The following SLC39A11 variants were observed in gnomAD, a reference collection of about 807,000 sequenced individuals.
SLC39A11 encodes the protein solute carrier family 39 member 11.
SLC39A11 carries 33 observed loss-of-function variants against 36.1 expected under a neutral mutation model. The observed-to-expected ratio is 0.91, with a 90% CI of 0.69 to 1.22. SLC39A11 has a LOEUF of 1.22. SLC39A11 is among the 50% of genes most tolerant of loss of function. The probability of loss-of-function intolerance (pLI) is 0.00; values close to 1 mark genes in which losing one functional copy is unlikely to be tolerated. For missense variants in SLC39A11, 432 were observed against 430.3 expected (o/e 1.00, Z -0.03); for synonymous variants, 166 against 170.3 (o/e 0.97, Z 0.20).
At chr17:72,689,352 T>C (rs1341850633) in intron 7 of SLC39A11, among the ~76,000 whole-genome samples, 2 of 152,206 alleles carry the variant, frequency 1.3e-5, no homozygotes, top group African/African-American at 4.8e-5. Context: ...TGTGCAGCTA[T>C]AGAGGTCATG....
intron 7 of SLC39A11, among the ~76,000 whole-genome samples, chr17:72,691,912 G>T (rs2072045726): frequency 6.6e-6 from 1 of 152,128 alleles, no homozygotes; most frequent in Non-Finnish European, 1.5e-5. Flanking sequence ...CTCTGTCCTT[G>T]AGGAATCAGG....
intron 7 of SLC39A11, among the ~76,000 whole-genome samples, chr17:72,683,272 GAAGA>G: frequency 6.6e-6 from 1 of 151,854 alleles, no homozygotes; most frequent in East Asian, 1.9e-4. Context: ...ATGGAAGAAG[GAAGA>G]AATAGATCCA....
chr17:72,797,899 C>A (rs2076946536), intron 6 of SLC39A11, among the ~76,000 whole-genome samples: 1 of 152,148 alleles, frequency 6.6e-6, no homozygotes, highest in South Asian at 2.1e-4. Flanking sequence ...TTGCATCTAG[C>A]ATCTGGCAGC....
chr17:72,914,800 G>A (rs536585950), intron 5 of SLC39A11, among the ~76,000 whole-genome samples: 18 of 151,644 alleles, frequency 1.2e-4, no homozygotes, highest in African/African-American at 4.1e-4. Flanking sequence ...CTCGGGAGGC[G>A]GAGGTTGCAG....
chr17:72,939,916 G>A (rs2452911), intron 5 of SLC39A11, among the ~76,000 whole-genome samples: 48,291 of 152,062 alleles, frequency 0.32, 8,217 homozygotes, highest in Admixed American at 0.44. Flanking sequence ...TCATTTACCA[G>A]TTGAGCATCC....
chr17:72,887,234 A>G (rs1461773164), intron 5 of SLC39A11, among the ~76,000 whole-genome samples: 2 of 152,216 alleles, frequency 1.3e-5, no homozygotes, highest in Non-Finnish European at 2.9e-5. Context: ...TAATGAATGA[A>G]GGAATGGATC....
At chr17:73,069,988 A>C (rs1221216408) in intron 3 of SLC39A11, among the ~76,000 whole-genome samples, 1 of 152,216 alleles carries the variant, frequency 6.6e-6, no homozygotes, top group Non-Finnish European at 1.5e-5. Context: ...GATTCAATGA[A>C]GTATTGGCCC....
chr17:72,673,115 G>C (rs1201683899), intron 7 of SLC39A11, among the ~76,000 whole-genome samples: 1 of 151,894 alleles, frequency 6.6e-6, no homozygotes, highest in Non-Finnish European at 1.5e-5. Flanking sequence ...TGTTGTTGTG[G>C]TTTTTGAGAC....
At chr17:73,026,964 A>T (rs1331574707) in intron 4 of SLC39A11, among the ~76,000 whole-genome samples, 1 of 152,018 alleles carries the variant, frequency 6.6e-6, no homozygotes, top group African/African-American at 2.4e-5. Flanking sequence ...ACCAAAAAAA[A>T]ATTAAAAATT....
intron 4 of SLC39A11, among the ~76,000 whole-genome samples, chr17:73,030,009 G>A (rs1341990204): frequency 6.6e-6 from 1 of 152,226 alleles, no homozygotes; most frequent in African/African-American, 2.4e-5. Context: ...CGGGGTAGGG[G>A]GTTGGGGATG....
intron 4 of SLC39A11, among the ~76,000 whole-genome samples, chr17:73,017,047 C>T (rs2058191831): frequency 6.6e-6 from 1 of 152,196 alleles, no homozygotes; most frequent in Non-Finnish European, 1.5e-5. Context: ...CAGAAACACA[C>T]ATAGCTTCTT....
At chr17:72,809,199 T>TTCTCTCTCTCTCTCTCTCTCTCTCTC (rs66472539) in intron 6 of SLC39A11, among the ~76,000 whole-genome samples, 105 of 102,310 alleles carry the variant, frequency 1.0e-3, no homozygotes, top group Non-Finnish European at 2.1e-3. Context: ...TTTCTTTTCT[T>TTCTCTCTCTCTCTCTCTCTCTCTCTC]TCTCTCTCTC....
chr17:72,851,722 A>G (rs562707067), intron 5 of SLC39A11, among the ~76,000 whole-genome samples: 16 of 152,350 alleles, frequency 1.1e-4, no homozygotes, highest in African/African-American at 3.8e-4. Context: ...AACTGATCAG[A>G]CTAAGTCCAA....
intron 5 of SLC39A11, among the ~76,000 whole-genome samples, chr17:72,893,688 C>T (rs976253330): frequency 2.6e-5 from 4 of 152,034 alleles, no homozygotes; most frequent in African/African-American, 9.7e-5. Flanking sequence ...CCAAAACACA[C>T]AACATGAGAA....
At chr17:73,049,092 T>C (rs536772836) in intron 3 of SLC39A11, among the ~76,000 whole-genome samples, 43 of 152,336 alleles carry the variant, frequency 2.8e-4, no homozygotes, top group African/African-American at 1.0e-3. Context: ...CACAGGTCTG[T>C]AGACAAAGAA....
At chr17:73,035,161 C>T (rs1394108555) in intron 3 of SLC39A11, among the ~76,000 whole-genome samples, 1 of 151,874 alleles carries the variant, frequency 6.6e-6, no homozygotes, top group Non-Finnish European at 1.5e-5. Flanking sequence ...GTTTTTGTTT[C>T]GAGACAGAGT....
chr17:72,665,395 T>TTTTTTTTTTG (rs2070697778), intron 7 of SLC39A11, among the ~76,000 whole-genome samples: 1 of 122,238 alleles, frequency 8.2e-6, no homozygotes, highest in Non-Finnish European at 1.8e-5. Flanking sequence ...AGGTGTTTTT[T>TTTTTTTTTTG]TTTTTTTTTT....
At chr17:72,921,679 T>C (rs899220746) in intron 5 of SLC39A11, among the ~76,000 whole-genome samples, 5 of 152,230 alleles carry the variant, frequency 3.3e-5, no homozygotes, top group African/African-American at 9.6e-5. Flanking sequence ...CTGATCGAAA[T>C]GTTAGAGGAA....
At chr17:72,780,461 G>T (rs56888665) in intron 6 of SLC39A11, among the ~76,000 whole-genome samples, 9,274 of 146,162 alleles carry the variant, frequency 0.063, 941 homozygotes, top group African/African-American at 0.22. Flanking sequence ...AGTAGTCAAT[G>T]TGAGGGTATT....
Sources: allele counts gnomAD v4.1 joint callset (sites outside exome capture counted in the v4.1 genomes callset), GRCh38; gene constraint gnomAD v4.1.1; transcripts MANE v1.5; gene names NCBI Gene and HGNC (gene_info 2026-07-23, HGNC 2026-07-21).